TTLL11: variants seen among roughly 807,000 people sequenced by gnomAD.
The protein encoded by TTLL11 is tubulin tyrosine ligase like 11.
TTLL11 carries 42 observed loss-of-function variants against 51.7 expected under a neutral mutation model. That is an observed-to-expected ratio of 0.81 (90% CI 0.64 to 1.05). The LOEUF is 1.05. TTLL11 is among the 50% of genes least tolerant of loss of function. The pLI is 0.00. For synonymous variants in TTLL11, 381 were observed against 383.5 expected, an observed-to-expected ratio of 0.99 and a Z score of 0.08; for missense variants, 799 against 940.4, an observed-to-expected ratio of 0.85 and a Z score of 1.97.
intron 1 of TTLL11, among the ~76,000 whole-genome samples, chr9:122,071,628 G>A (rs370170918): frequency 6.6e-6 from 1 of 152,122 alleles, no homozygotes; most frequent in Non-Finnish European, 1.5e-5. Context: ...GGTGCAGCAC[G>A]GGATGAAGGA....
At chr9:121,865,538 A>T (rs1256408117) in intron 7 of TTLL11, among the ~76,000 whole-genome samples, 1 of 152,234 alleles carries the variant, frequency 6.6e-6, no homozygotes, top group Non-Finnish European at 1.5e-5. Flanking sequence ...TGTGGGACAC[A>T]TTTGTAAAAA....
chr9:121,971,746 G>GGAA (rs1554775866), intron 6 of TTLL11, among the ~76,000 whole-genome samples: 1 of 97,878 alleles, frequency 1.0e-5, no homozygotes, highest in African/African-American at 3.7e-5. Context: ...TCTGCCTTGG[G>GGAA]AAAAAAAAAA....
chr9:121,926,339 C>T (rs1840733575), intron 6 of TTLL11, among the ~76,000 whole-genome samples: 1 of 152,236 alleles, frequency 6.6e-6, no homozygotes, highest in Non-Finnish European at 1.5e-5. Flanking sequence ...GCTCTCCCTC[C>T]AGGTCCGCGG....
rs147337090 is a variant in TTLL11 at position 121,851,486 on chromosome 9, A to G, written c.1840+8851T>C. On this transcript the variant is annotated intron_variant, in intron 8 of 8. Coordinates refer to ENST00000321582, the MANE Select transcript of TTLL11 (RefSeq NM_001139442.2). ...TGTAACTATATGTTCTAAAAATATTAAGCCTATTAATTTTTTAAAAAAGGC... is the reference window on the plus strand; with the variant it reads ...TGTAACTATATGTTCTAAAAATATTGAGCCTATTAATTTTTTAAAAAAGGC... Among the ~76,000 whole-genome samples, 439 of 152,358 alleles carry G rather than the reference A, an allele frequency of 2.9e-3. 2 individuals are homozygous for G. The highest frequency in any genetic ancestry group is 0.01 in the African/African-American group (424 of 41,580).
At chr9:121,930,761 T>C (rs889480683) in intron 6 of TTLL11, among the ~76,000 whole-genome samples, 1 of 152,206 alleles carries the variant, frequency 6.6e-6, no homozygotes, top group Non-Finnish European at 1.5e-5. Flanking sequence ...TTTGCATCTC[T>C]AAGATGGAGC....
At chr9:122,004,802 G>C (rs1303846715) in intron 3 of TTLL11, among the ~76,000 whole-genome samples, 1 of 152,212 alleles carries the variant, frequency 6.6e-6, no homozygotes, top group Non-Finnish European at 1.5e-5. Flanking sequence ...GGAGGCCATG[G>C]GGCAGTGAGC....
intron 6 of TTLL11, among the ~76,000 whole-genome samples, chr9:121,944,851 T>C (rs1030207369): frequency 6.6e-6 from 1 of 152,196 alleles, no homozygotes; most frequent in African/African-American, 2.4e-5. Context: ...CAAAATCCCG[T>C]GAGAAATCGA....
At chr9:122,007,004 A>T in intron 3 of TTLL11, among the ~76,000 whole-genome samples, 1 of 149,512 alleles carries the variant, frequency 6.7e-6, no homozygotes, top group African/African-American at 2.5e-5. Context: ...AAAAAAAAAA[A>T]AAAAACTTTT....
At chr9:122,065,435 T>C (rs184678845) in intron 1 of TTLL11, among the ~76,000 whole-genome samples, 137 of 152,334 alleles carry the variant, frequency 9.0e-4, no homozygotes, top group Middle Eastern at 3.4e-3. Context: ...AGTAATGTCT[T>C]CTTAGCATAG....
At chr9:122,025,345 G>A (rs116158308) in intron 3 of TTLL11, among the ~76,000 whole-genome samples, 4,783 of 152,302 alleles carry the variant, frequency 0.031, 235 homozygotes, top group African/African-American at 0.11. Context: ...GGCCCTGTAA[G>A]GTGACAGACA....
chr9:122,048,106 C>A (rs1439144905), intron 1 of TTLL11, among the ~76,000 whole-genome samples: 1 of 152,160 alleles, frequency 6.6e-6, no homozygotes, highest in Non-Finnish European at 1.5e-5. Context: ...CCTCCAGGGT[C>A]TCCTCTTTAG....
chr9:121,873,483 T>A (rs189326679), intron 6 of TTLL11, among the ~76,000 whole-genome samples: 63 of 151,808 alleles, frequency 4.1e-4, no homozygotes, highest in African/African-American at 1.5e-3. Flanking sequence ...CTAATTTTTT[T>A]ATATTTTTAG....
At chr9:122,006,370 G>T (rs1000632580) in intron 3 of TTLL11, among the ~76,000 whole-genome samples, 3 of 149,066 alleles carry the variant, frequency 2.0e-5, no homozygotes, top group Non-Finnish European at 4.4e-5. Context: ...TGTAAAGAGA[G>T]AAATTACATT....
At chr9:121,987,685 C>A (rs1022053159) in intron 4 of TTLL11, among the ~76,000 whole-genome samples, 2 of 152,140 alleles carry the variant, frequency 1.3e-5, no homozygotes, top group East Asian at 1.9e-4. Flanking sequence ...CTTCCCCAGG[C>A]ACCTCATCCT....
rs1839201424 is a variant in TTLL11 at position 121,890,816 on chromosome 9, G to A, written c.1482-20068C>T. Among the ~76,000 whole-genome samples, 1 of 152,178 alleles carries A rather than the reference G, an allele frequency of 6.6e-6. No individual in the cohort carries two copies. Among genetic ancestry groups the A allele is most frequent in the Non-Finnish European group, 1.5e-5 (1 of 68,042 alleles). On this transcript the variant is annotated intron_variant, in intron 6 of 8. Transcript: ENST00000321582. The surrounding 1 kb of genome is among the most constrained non-coding windows in gnomAD (Gnocchi z 4.3). The stretch of plus-strand genomic sequence containing the variant: ...GGGTGCATGAATGCATGAATGACTG[G>A]CTCTTCTCTGCCTGCAGAGTGAAGT...
In TTLL11 at chr9:122,093,150, G is replaced by A. The variant is rs1846315784; in HGVS notation, c.-2C>T. On this transcript the variant is annotated 5_prime_UTR_variant, in exon 1 of 9. Coordinates refer to ENST00000321582, the MANE Select transcript of TTLL11 (RefSeq NM_001139442.2). ...GCTCTCGGAGCTGCCCCGCCGCATG[G>A]TGCTCAGGGCCGGGGCCAGTGCCAG... is the stretch of plus-strand genomic sequence containing the variant. 2.7e-6 allele frequency: 4 copies of A among 1,492,880 alleles called. No homozygotes were observed. Among genetic ancestry groups the A allele is most frequent in the Non-Finnish European group, 3.5e-6 (4 of 1,127,762 alleles). 92.5% of individuals were successfully genotyped at this position (1,492,880 alleles called of 1,614,324 possible).
chr9:121,875,514 G>A (rs1435752393), intron 6 of TTLL11, among the ~76,000 whole-genome samples: 1 of 152,178 alleles, frequency 6.6e-6, no homozygotes, highest in Non-Finnish European at 1.5e-5. Flanking sequence ...AGTCTTCAAA[G>A]CCAGAGATAT....
Position 121,821,507 on chromosome 9 carries a change from C to A in TTLL11, c.*1080G>T, listed in dbSNP as rs1836577290. Among the ~76,000 whole-genome samples, 1 of 152,188 alleles carries A rather than the reference C, an allele frequency of 6.6e-6. No homozygotes were observed. The highest frequency in any genetic ancestry group is 1.5e-5 in the Non-Finnish European group (1 of 68,036). ...CTGGAGAGCTTGGCTTTGCCAGGTC[C>A]TGCCTGCCTGTCTTCAATAGGCCCT... On this transcript the variant is annotated 3_prime_UTR_variant, in exon 9 of 9. Coordinates refer to ENST00000321582, the MANE Select transcript of TTLL11 (RefSeq NM_001139442.2). The surrounding 1 kb of genome is among the most constrained non-coding windows in gnomAD (Gnocchi z 5.0).
intron 1 of TTLL11, among the ~76,000 whole-genome samples, chr9:122,046,202 G>A (rs938507873): frequency 6.6e-6 from 1 of 152,084 alleles, no homozygotes; most frequent in Non-Finnish European, 1.5e-5. Context: ...TTGGATCATG[G>A]GGACAGACTT....
Sources: allele counts gnomAD v4.1 joint callset (sites outside exome capture counted in the v4.1 genomes callset), GRCh38; gene constraint gnomAD v4.1.1; non-coding constraint Gnocchi (gnomAD v3.1); transcripts MANE v1.5; gene names NCBI Gene and HGNC (gene_info 2026-07-23, HGNC 2026-07-21).